XDH: variants seen among roughly 807,000 people sequenced by gnomAD.
The protein encoded by XDH is xanthine dehydrogenase.
XDH carries 138 observed loss-of-function variants against 156.1 expected under a neutral mutation model. The ratio of observed to expected loss-of-function variants is 0.88; its 90% CI spans 0.77 to 1.02. XDH has a LOEUF of 1.02. XDH is among the 50% of genes least tolerant of loss of function. The pLI, the probability that XDH is intolerant of heterozygous loss-of-function variation, is 0.00. For synonymous variants in XDH, 669 were observed against 625.7 expected (o/e 1.07, Z -1.03); for missense variants, 1,849 against 1,684.9 (o/e 1.10, Z -1.71).
At chr2:31,342,451 C>T (rs1254346308) in intron 31 of XDH, among the ~76,000 whole-genome samples, 154 bp from the exon 32 acceptor site, 1 of 152,206 alleles carries the variant, frequency 6.6e-6, no homozygotes, top group Non-Finnish European at 1.5e-5. Flanking sequence ...CAATTTGAAC[C>T]TGTTAACGAA....
chr2:31,366,729 C>G, intron 21 of XDH, 141 bp downstream of exon 21: 2 of 1,333,754 alleles, frequency 1.5e-6, no homozygotes, highest in Non-Finnish European at 2.1e-6. Context: ...GTGAAAGAGT[C>G]TGGCTCCAGG....
intron 15 of XDH, among the ~76,000 whole-genome samples, chr2:31,374,386 G>A (rs1346785205): frequency 6.6e-6 from 1 of 152,158 alleles, no homozygotes; most frequent in Non-Finnish European, 1.5e-5. Flanking sequence ...ATGCAGTGTG[G>A]TCCCAAGTCT....
chr2:31,370,524 AG>A (rs1382136453), intron 17 of XDH, 46 bp from the exon 18 acceptor site: 2 of 1,611,856 alleles, frequency 1.2e-6, no homozygotes, highest in Non-Finnish European at 1.7e-6. Context: ...AAGCTGGAGC[AG>A]GGGACCCATC....
At chr2:31,398,787 G>A in intron 4 of XDH, 88 bp from the exon 5 acceptor site, 1 of 1,591,696 alleles carries the variant, frequency 6.3e-7, no homozygotes, top group Non-Finnish European at 8.6e-7. Context: ...CACATGTTGA[G>A]AGATAGTGGG....
chr2:31,352,865 C>T (rs989207270), intron 24 of XDH, among the ~76,000 whole-genome samples: 1 of 148,324 alleles, frequency 6.7e-6, no homozygotes, highest in African/African-American at 2.5e-5. Flanking sequence ...GGAATGTCGG[C>T]TTTTCCTGAA....
intron 13 of XDH, among the ~76,000 whole-genome samples, chr2:31,377,858 A>AC (rs1472587610): frequency 6.9e-6 from 1 of 145,256 alleles, no homozygotes; most frequent in East Asian, 2.0e-4. Flanking sequence ...TATCTCTACA[A>AC]AAAAAAAAAA....
intron 1 of XDH, among the ~76,000 whole-genome samples, chr2:31,411,522 G>C (rs1249314111): frequency 6.6e-6 from 1 of 152,118 alleles, no homozygotes; most frequent in East Asian, 1.9e-4. Context: ...AACATTAACA[G>C]TTGGTAAAGT....
intron 18 of XDH, among the ~76,000 whole-genome samples, chr2:31,369,687 T>G (rs574435632): frequency 3.3e-5 from 5 of 152,342 alleles, no homozygotes; most frequent in African/African-American, 9.6e-5. Context: ...GTAAAGCAAT[T>G]TGTTCTTCTA....
chr2:31,407,006 G>A (rs757298836), intron 1 of XDH, among the ~76,000 whole-genome samples: 4 of 152,154 alleles, frequency 2.6e-5, no homozygotes. Flanking sequence ...TACAAAAACC[G>A]ATTTCAGTAC....
rs868450764 is a variant in XDH at position 31,373,550 on chromosome 2, T to A, written c.1686+323A>T. Among the ~76,000 whole-genome samples the A allele has an allele frequency of 8.2e-4, 117 of 143,332 alleles. 1 individual carries two copies. Among genetic ancestry groups the A allele is most frequent in the Middle Eastern group, 3.8e-3 (1 of 262 alleles). 94.0% of individuals were successfully genotyped at this position (143,332 alleles called of 152,430 possible). On this transcript the variant is annotated intron_variant, in intron 16 of 35. Transcript: ENST00000379416. ...GATAGATGGTTTGTTTGTTTGTTTG[T>A]TTGTTTGTTTGTTTGTTTTAGCATA... is the stretch of plus-strand genomic sequence containing the variant.
intron 27 of XDH, among the ~76,000 whole-genome samples, chr2:31,348,601 A>C (rs1045379330): frequency 6.6e-6 from 1 of 152,228 alleles, no homozygotes; most frequent in Non-Finnish European, 1.5e-5. Context: ...AATAGGTCAA[A>C]TATCTGTCCT....
Position 31,379,901 on chromosome 2 carries a change from A to G in XDH, c.1208T>C (p.Ile403Thr), listed in dbSNP as rs753665329. The G allele has an allele frequency of 2.8e-5, 45 of 1,614,078 alleles. No homozygotes were observed. In the South Asian group the frequency reaches 4.0e-4, roughly 14 times the overall value. Residue 403 changes from isoleucine (I) to threonine (T), a missense_variant, in exon 13 of 36, where the codon ATA becomes ACA. Coordinates refer to ENST00000379416, the MANE Select transcript of XDH (RefSeq NM_000379.4). ...YRKTLLSPEE[I>T]LLSIEIPYSR... ...GTAGGGGATCTCTATGGAGAGCAGT[A>G]TCTCCTCCGGGCTCAGCAGGGTCTT...
chr2:31,349,997 G>A (rs376708476), intron 25 of XDH, 35 bp downstream of exon 25: 46 of 1,612,816 alleles, frequency 2.9e-5, no homozygotes, highest in Non-Finnish European at 3.8e-5. Flanking sequence ...GTAGTCTAAA[G>A]CACTCTGACT....
Position 31,387,907 on chromosome 2 carries a change from A to T in XDH, c.565-10T>A. On this transcript the variant is annotated splice_polypyrimidine_tract_variant and intron_variant, in intron 7 of 35. Transcript: ENST00000379416. ...ATGGCGAGAGGCTGACCTATGGGGAAAGAGAACAGGTAGGTGATGCAGTAT... is the reference window on the plus strand; with the variant it reads ...ATGGCGAGAGGCTGACCTATGGGGATAGAGAACAGGTAGGTGATGCAGTAT... 1 of 1,571,982 alleles carries T rather than the reference A, an allele frequency of 6.4e-7. No homozygotes were observed. Among genetic ancestry groups the T allele is most frequent in the Non-Finnish European group, 8.6e-7 (1 of 1,158,364 alleles).
intron 6 of XDH, among the ~76,000 whole-genome samples, chr2:31,396,648 C>T (rs1054073443): frequency 6.6e-6 from 1 of 152,160 alleles, no homozygotes; most frequent in African/African-American, 2.4e-5. Context: ...GGCAAAACCA[C>T]AGTTACTTTT....
rs61731081 is a variant in XDH at position 31,372,283 on chromosome 2, C to T, written c.1801G>A (p.Glu601Lys). Residue 601 changes from glutamate to lysine, a missense_variant, in exon 17 of 36, where the codon GAG becomes AAG. Physicochemically the swap from Glu to Lys is moderately conservative, Grantham distance 56. Transcript: ENST00000379416. ...ACCAGCCGGAGAGACAGCTCATTCT[C>T]GTAGCGAGGAATGTCGTCACAGTAC... ...AVYCDDIPRY[E>K]NELSLRLVTS... 2.5e-6 allele frequency: 4 copies of T among 1,614,238 alleles called. No homozygotes were observed. Among genetic ancestry groups the T allele is most frequent in the South Asian group, 2.2e-5 (2 of 91,082 alleles).
In XDH at chr2:31,346,778, C is replaced by T; in HGVS notation, c.3342G>A (p.Trp1114Ter). The change falls in exon 30 of 36, where the codon TGG becomes TGA. Residue 1114 changes from tryptophan to a stop codon, truncating the protein, a stop_gained. Coordinates refer to ENST00000379416, the MANE Select transcript of XDH (RefSeq NM_000379.4). LOFTEE classifies it high-confidence loss of function. Reference protein sequence around the residue: ...PYKKKNPSGSWEDWVTAAYMD... With the variant: ...PYKKKNPSGS ...ATCAGCTCAGACTTACCCAGTCTTC[C>T]CAGGAGCCACTGGGATTCTTCTTCT... 1 of 1,614,120 alleles carries T rather than the reference C, an allele frequency of 6.2e-7. No homozygotes were observed. The highest frequency in any genetic ancestry group is 1.3e-5 in the African/African-American group (1 of 74,990).
chr2:31,357,644 G>T (rs1685660292), intron 24 of XDH, among the ~76,000 whole-genome samples: 1 of 118,640 alleles, frequency 8.4e-6, no homozygotes, highest in Non-Finnish European at 2.1e-5. Flanking sequence ...GAACAATATG[G>T]TGACTATAAT....
chr2:31,410,185 GAC>G (rs1433304783), intron 1 of XDH, among the ~76,000 whole-genome samples: 9 of 152,164 alleles, frequency 5.9e-5, no homozygotes, highest in Non-Finnish European at 8.8e-5. Flanking sequence ...AATTCATAGA[GAC>G]AGAAAAAATG....
Sources: gnomAD v4.1 joint callset for allele counts (sites outside exome capture counted in the v4.1 genomes callset) on GRCh38, gnomAD v4.1.1 for gene constraint, MANE v1.5 for transcripts, NCBI Gene and HGNC (gene_info 2026-07-23, HGNC 2026-07-21) for gene names.